MKNK2: variants seen among roughly 807,000 people sequenced by gnomAD.
MKNK2 encodes MAP kinase-interacting serine/threonine-protein kinase 2.
MKNK2 carries 54 observed loss-of-function variants against 55.0 expected under a neutral mutation model. The ratio of observed to expected loss-of-function variants is 0.98; its 90% CI spans 0.79 to 1.23. MKNK2 has a LOEUF of 1.23. MKNK2 is among the 50% of genes most tolerant of loss of function. The pLI is 0.00. For missense variants in MKNK2, 685 were observed against 632.1 expected (o/e 1.08, Z -0.90); for synonymous variants, 323 against 256.0 (o/e 1.26, Z -2.50).
intron 2 of MKNK2, among the ~76,000 whole-genome samples, chr19:2,047,538 G>A (rs926162012): frequency 4.6e-5 from 7 of 152,134 alleles, no homozygotes; most frequent in Admixed American, 3.3e-4. Flanking sequence ...GAATGGGGAC[G>A]GCTGACCTCT....
chr19:2,040,774 C>T (rs546644613), intron 12 of MKNK2: 1 of 520,964 alleles, frequency 1.9e-6, no homozygotes, highest in Admixed American at 3.5e-5. Flanking sequence ...CTCCAGCCTG[C>T]TGCAGGCTGT....
At chr19:2,042,174 G>A (rs1287706438) in intron 10 of MKNK2, 140 bp from the exon 11 acceptor site, 3 of 851,518 alleles carry the variant, frequency 3.5e-6, no homozygotes, top group Admixed American at 3.7e-5. Flanking sequence ...TGCCGGGAAC[G>A]CGCCCCCGCC....
At position 2,041,033 on chromosome 19, in the gene MKNK2, T is replaced by C. The variant is rs2287003; in HGVS notation, c.1110+7A>G. ...CCCCTCCTGCCGCCCGTGCGGCTGG[T>C]ACTCACCCCCTGAACCCAGGGGTGC... On this transcript the variant is annotated splice_region_variant and intron_variant, in intron 12 of 13. Coordinates refer to ENST00000250896, the MANE Select transcript of MKNK2 (RefSeq NM_199054.3). 924,162 of 1,612,856 alleles carry C rather than the reference T, an allele frequency of 0.57. 270,677 individuals carry two copies. The highest frequency in any genetic ancestry group is 0.88 in the African/African-American group (65,660 of 74,948).
At position 2,049,684 on chromosome 19, in the gene MKNK2, C is replaced by A. The variant is rs1219093440; in HGVS notation, c.51+1117G>T. On this transcript the variant is annotated intron_variant, in intron 2 of 13. Transcript: ENST00000250896. ...GCACTGACTCTGTATCAGCTCATGC[C>A]TGGCCCTAGGAGGGAGAAGACCACT... is the stretch of plus-strand genomic sequence containing the variant. Among the ~76,000 whole-genome samples, 10 of 152,334 alleles carry A rather than the reference C, an allele frequency of 6.6e-5. No homozygotes were observed. The East Asian group carries it at 1.9e-3, about 29-fold the overall frequency.
In MKNK2 at chr19:2,050,869, C is replaced by A. The variant is rs2017102509; in HGVS notation, c.-18G>T. On this transcript the variant is annotated 5_prime_UTR_variant, in exon 2 of 14. Transcript: ENST00000250896. ...TGCACCATCTTCTGTCCGGGCCCCGCCAGCGGGGGAGGGGACCGAGGGCCC... is the reference window on the plus strand; with the variant it reads ...TGCACCATCTTCTGTCCGGGCCCCGACAGCGGGGGAGGGGACCGAGGGCCC... 1.3e-6 allele frequency: 2 copies of A among 1,513,572 alleles called. No individual in the cohort carries two copies. The highest frequency in any genetic ancestry group is 1.8e-6 in the Non-Finnish European group (2 of 1,131,702). 93.8% of individuals were successfully genotyped at this position (1,513,572 alleles called of 1,614,324 possible). A position where few individuals can be genotyped will look rare whatever the true frequency, so the allele number is the denominator to read the frequency against.
intron 2 of MKNK2, among the ~76,000 whole-genome samples, chr19:2,049,021 G>C (rs1012845424): frequency 6.6e-6 from 1 of 152,186 alleles, no homozygotes; most frequent in Non-Finnish European, 1.5e-5. Context: ...TCACGAGAGT[G>C]AAATGACCTA....
chr19:2,046,575 T>C, intron 3 of MKNK2, 29 bp downstream of exon 3: 1 of 1,556,384 alleles, frequency 6.4e-7, no homozygotes, highest in Non-Finnish European at 8.7e-7. Context: ...GCAGCTGCCC[T>C]GTGCCCTCCT....
intron 10 of MKNK2, 63 bp from the exon 11 acceptor site, chr19:2,042,097 G>T: frequency 7.3e-7 from 1 of 1,372,152 alleles, no homozygotes; most frequent in Non-Finnish European, 9.5e-7. Context: ...ACCGAGCCCG[G>T]GTAACTGCGG....
Position 2,037,897 on chromosome 19 carries a change from C to T in MKNK2, c.*1716G>A, listed in dbSNP as rs535431147. On this transcript the variant is annotated 3_prime_UTR_variant, in exon 14 of 14. Coordinates refer to ENST00000250896, the MANE Select transcript of MKNK2 (RefSeq NM_199054.3). ...CCACTCAGCTTTAGAGACCCGATGG[C>T]TATGGGCGCCTGCAGCGGGCGGGGG... is the stretch of plus-strand genomic sequence containing the variant. 2 of 1,464,200 alleles carry T rather than the reference C, an allele frequency of 1.4e-6. No individual in the cohort carries two copies. Among genetic ancestry groups the T allele is most frequent in the Non-Finnish European group, 9.2e-7 (1 of 1,092,322 alleles). The allele number at this position is 1,464,200 out of a possible 1,614,324, so 90.7% of individuals were successfully genotyped here.
chr19:2,040,768 A>C, intron 12 of MKNK2: 1 of 508,004 alleles, frequency 2.0e-6, no homozygotes. Flanking sequence ...GCTTCGCTCC[A>C]GCCTGCTGCA....
intron 5 of MKNK2, among the ~76,000 whole-genome samples, chr19:2,045,140 C>T (rs1275690616): frequency 6.6e-6 from 1 of 152,180 alleles, no homozygotes; most frequent in Admixed American, 6.5e-5. Context: ...AGCAGGAAGT[C>T]CCCCAGGCTC....
intron 5 of MKNK2, among the ~76,000 whole-genome samples, chr19:2,045,697 T>C (rs892402357): frequency 1.3e-5 from 2 of 152,036 alleles, no homozygotes; most frequent in South Asian, 4.1e-4. Context: ...GCCTGGAAGA[T>C]TTCTTGGAAC....
rs766948316 is a variant in MKNK2, at chr19:2,042,842, G to A, written c.522C>T (p.Arg174=). ...GGSILSHIHK[R]RHFNELEASV... ...TGGCCTCCAGCTCGTTGAAGTGCCG[G>A]CGCTTGTGGATGTGGCTCAGGATGG... The change falls in exon 8 of 14, where the codon CGC becomes CGT. Residue 174 remains arginine, a synonymous_variant. Transcript: ENST00000250896. 2 of 1,573,134 alleles carry A rather than the reference G, an allele frequency of 1.3e-6. No homozygotes were observed. Among genetic ancestry groups the A allele is most frequent in the Non-Finnish European group, 1.7e-6 (2 of 1,159,288 alleles).
Position 2,037,820 on chromosome 19 carries a change from A to G in MKNK2, c.*1793T>C, listed in dbSNP as rs764448127. On this transcript the variant is annotated 3_prime_UTR_variant, in exon 14 of 14. Coordinates refer to ENST00000250896, the MANE Select transcript of MKNK2 (RefSeq NM_199054.3). ...AGGGGTGGGGAGGGAGGAGGAAGTG[A>G]CTGTCCCACCTTCAGAAAAAAAAAA... 4 of 1,593,812 alleles carry G rather than the reference A, an allele frequency of 2.5e-6. No homozygotes were observed. The highest frequency in any genetic ancestry group is 3.4e-6 in the Non-Finnish European group (4 of 1,169,160).
chr19:2,049,534 T>G (rs80227849), intron 2 of MKNK2, among the ~76,000 whole-genome samples: 1 of 152,086 alleles, frequency 6.6e-6, no homozygotes, highest in African/African-American at 2.4e-5. Flanking sequence ...TCCTGGGCAG[T>G]GTGGGCGGTC....
chr19:2,041,155 T>G lies in MKNK2; in HGVS notation c.995A>C (p.Lys332Thr), dbSNP rs779199466. ...IQEGKYEFPD[K>T]DWAHISCAAK... ...AGCGCAGGAGATGTGGGCCCAGTCC[T>G]TGTCGGGGAACTCGTACTTGCCCTC... is the stretch of plus-strand genomic sequence containing the variant. The change falls in exon 12 of 14, where the codon AAG becomes ACG. Residue 332 changes from lysine (K) to threonine (T), a missense_variant. By Grantham distance (78) the Lys-to-Thr change is moderately conservative. Transcript: ENST00000250896. 1 of 1,613,962 alleles carries G rather than the reference T, an allele frequency of 6.2e-7. No individual in the cohort carries two copies. Among genetic ancestry groups the G allele is most frequent in the South Asian group, 1.1e-5 (1 of 91,084 alleles).
chr19:2,044,293 G>A (rs1223987780), intron 5 of MKNK2, among the ~76,000 whole-genome samples: 9 of 152,212 alleles, frequency 5.9e-5, no homozygotes, highest in African/African-American at 2.2e-4. Flanking sequence ...GCCAGCCTGG[G>A]CAGACACTTG....
chr19:2,040,745 G>A (rs531116640), intron 12 of MKNK2: 44 of 466,658 alleles, frequency 9.4e-5, no homozygotes, highest in Admixed American at 7.8e-4. Context: ...TATGTGAGCT[G>A]GGCTCGCTGC....
In MKNK2 at chr19:2,042,516, G is replaced by A. The variant is rs1484982480; in HGVS notation, c.661C>T (p.Pro221Ser). Residue 221 changes from proline to serine, a missense_variant, in exon 10 of 14, where the codon CCC (proline) becomes TCC (serine). By Grantham distance (74) the Pro-to-Ser change is moderately conservative. Transcript: ENST00000250896. The part of the protein sequence containing the change: ...ILCEHPNQVS[P>S]VKICDFDLGS... ...AGGTCGAAGTCACAGATCTTCACGG[G>A]GGAGACCTGGGAGGGGCCAAAAGGT... 5.6e-6 allele frequency: 9 copies of A among 1,593,406 alleles called. No homozygotes were observed. The highest frequency in any genetic ancestry group is 6.0e-6 in the Non-Finnish European group (7 of 1,171,364).
Sources: gnomAD v4.1 joint callset for allele counts (sites outside exome capture counted in the v4.1 genomes callset) on GRCh38, gnomAD v4.1.1 for gene constraint, MANE v1.5 for transcripts, NCBI Gene and HGNC (gene_info 2026-07-23, HGNC 2026-07-21) for gene names.